The following BTK variants were observed in gnomAD, a reference collection of about 807,000 sequenced individuals.
BTK encodes tyrosine-protein kinase BTK.
A neutral mutation model predicts 57.4 loss-of-function variants in BTK; 5 were observed. The ratio of observed to expected loss-of-function variants is 0.09; its 90% CI spans 0.05 to 0.18. The LOEUF (loss-of-function observed/expected upper bound fraction) is 0.18, where lower values mean the gene tolerates loss of function less well. Ranked by LOEUF, BTK falls within the 10% of genes least tolerant of loss-of-function variation. The pLI is 1.00. For missense variants in BTK, 194 were observed against 501.2 expected (o/e 0.39, Z 5.85); for synonymous variants, 154 against 174.3 (o/e 0.88, Z 0.92).
intron 1 of BTK, among the ~76,000 whole-genome samples, chrX:101,382,406 A>T (rs5951304): frequency 0.031 from 3,375 of 109,808 alleles, 117 homozygotes; most frequent in African/African-American, 0.094. Context: ...GGCTCACTGC[A>T]ATCGCTACCT....
upstream of BTK, among the ~76,000 whole-genome samples, chrX:101,387,147 T>C (rs1927635237): frequency 2.7e-5 from 3 of 111,287 alleles, no homozygotes; most frequent in South Asian, 1.1e-3. Context: ...ATCCGAAGTT[T>C]TAAGTCAACA....
rs1926561925 is a variant in BTK, at chrX:101,358,607, T to C, written c.974+10A>G. The stretch of plus-strand genomic sequence containing the variant: ...CTTTGTCCTCAGGGCCTTGGAATAG[T>C]AGCACTCACCCTGTGGATTTAGCAA... On this transcript the variant is annotated intron_variant, in intron 11 of 18. Transcript: ENST00000308731. 8.3e-7 allele frequency: 1 copy of C among 1,203,805 alleles called. No homozygotes were observed. The highest frequency in any genetic ancestry group is 1.1e-6 in the Non-Finnish European group (1 of 889,702).
intron 5 of BTK, among the ~76,000 whole-genome samples, chrX:101,365,025 T>C (rs1447888538): frequency 4.5e-5 from 5 of 111,826 alleles, no homozygotes; most frequent in Non-Finnish European, 9.4e-5. Context: ...ATTACAGGCA[T>C]GAGCCACCAC....
rs972741195 is a variant in BTK at position 101,376,533 on chromosome X, A to G, written c.-30-1219T>C. Among the ~76,000 whole-genome samples the G allele has an allele frequency of 2.5e-4, 28 of 111,625 alleles. 1 individual carries two copies. Among genetic ancestry groups the G allele is most frequent in the Non-Finnish European group, 2.6e-4 (14 of 53,153 alleles). ...TCCCAGCTACTCGGGAGGCTGAGGCAGGAGAATCGCTTGAACCCAGGAGGC... is the reference window on the plus strand; with the variant it reads ...TCCCAGCTACTCGGGAGGCTGAGGCGGGAGAATCGCTTGAACCCAGGAGGC... On this transcript the variant is annotated intron_variant, in intron 1 of 18. Transcript: ENST00000308731.
chrX:101,354,062 A>C, intron 16 of BTK, 74 bp from the exon 17 acceptor site: 1 of 763,527 alleles, frequency 1.3e-6, no homozygotes, highest in Non-Finnish European at 2.0e-6. Flanking sequence ...TGGCACGGTC[A>C]CAAGAGTGTC....
At chrX:101,371,775 C>G (rs945607279) in intron 3 of BTK, 74 bp from the exon 4 acceptor site, 18 of 897,564 alleles carry the variant, frequency 2.0e-5, no homozygotes, top group Admixed American at 1.3e-4. Context: ...GTACTAGAAG[C>G]CTTTTGCTGT....
At chrX:101,354,786 A>G in intron 15 of BTK, 92 bp from the exon 16 acceptor site, 2 of 872,519 alleles carry the variant, frequency 2.3e-6, no homozygotes, top group Middle Eastern at 5.5e-4. Flanking sequence ...GAAGCCAGGG[A>G]AGCTTCATCT....
upstream of BTK, among the ~76,000 whole-genome samples, chrX:101,386,628 C>T (rs1022023546): frequency 1.4e-4 from 15 of 110,751 alleles, no homozygotes; most frequent in African/African-American, 4.6e-4. Flanking sequence ...AGAGGAGTCT[C>T]AGGGACACAC....
upstream of BTK, among the ~76,000 whole-genome samples, chrX:101,389,232 C>G (rs1927709230): frequency 1.8e-5 from 2 of 111,060 alleles, no homozygotes; most frequent in Non-Finnish European, 1.9e-5. Flanking sequence ...TGTTGTACAC[C>G]TTGAATATAA....
chrX:101,372,128 C>G (rs782077047), intron 3 of BTK, among the ~76,000 whole-genome samples: 2 of 111,743 alleles, frequency 1.8e-5, no homozygotes, highest in African/African-American at 6.5e-5. Context: ...CAAGCTTTTT[C>G]TAATATAAGG....
Position 101,355,848 on chromosome X carries a change from A to C in BTK, c.1566+204T>G, listed in dbSNP as rs138662660. ...GGAGTGAGTGACTGCTCTGATTCCC[A>C]CCACGGCAGACTTCATGGAGCTGAG... On this transcript the variant is annotated intron_variant, in intron 15 of 18. Transcript: ENST00000308731. 9.5e-4 allele frequency: 444 copies of C among 468,448 alleles called. 3 individuals are homozygous for C. The African/African-American group carries it at 9.5e-3, about 10-fold the overall frequency. The allele number at this position is 468,448 out of a possible 1,213,427, so 38.6% of individuals were successfully genotyped here.
upstream of BTK, among the ~76,000 whole-genome samples, chrX:101,388,152 C>G (rs782226817): frequency 8.9e-6 from 1 of 111,734 alleles, no homozygotes; most frequent in South Asian, 3.7e-4. Context: ...ATGCGTGAGC[C>G]ACCGTGCCCA....
upstream of BTK, among the ~76,000 whole-genome samples, chrX:101,388,803 G>C (rs1927694007): frequency 8.9e-6 from 1 of 111,880 alleles, no homozygotes; most frequent in Admixed American, 9.5e-5. Context: ...GAAAAGCCAA[G>C]GTGACATTGA....
In BTK at chrX:101,363,802, T is replaced by C. The variant is rs1401532412; in HGVS notation, c.392-1113A>G. ...TGAAATAACTGATAGCAGCAAACAC[T>C]AGAGCAAAGACCCAGGCTGGTCCAG... On this transcript the variant is annotated intron_variant, in intron 5 of 18. Coordinates refer to ENST00000308731, the MANE Select transcript of BTK (RefSeq NM_000061.3). Among the ~76,000 whole-genome samples the C allele has an allele frequency of 2.8e-5, 3 of 107,990 alleles. No individual in the cohort carries two copies. The Admixed American group carries it at 3.0e-4, about 11-fold the overall frequency. The allele number at this position is 107,990 out of a possible 115,157, so 93.8% of individuals were successfully genotyped here.
intron 1 of BTK, among the ~76,000 whole-genome samples, chrX:101,385,691 A>G (rs1718671450): frequency 8.9e-6 from 1 of 112,171 alleles, no homozygotes. Context: ...ATGTATCCCT[A>G]TTGAGTCTTC....
intron 16 of BTK, 122 bp downstream of exon 16, chrX:101,354,508 C>G: frequency 1.4e-6 from 1 of 719,238 alleles, no homozygotes; most frequent in Non-Finnish European, 2.1e-6. Flanking sequence ...ATAGAAAGAT[C>G]GGCAGAAAAC....
At chrX:101,350,128 T>C (rs1180770163) in intron 18 of BTK, among the ~76,000 whole-genome samples, 172 bp from the exon 19 acceptor site, 1 of 108,670 alleles carries the variant, frequency 9.2e-6, no homozygotes, top group Non-Finnish European at 1.9e-5. Flanking sequence ...CTCCATAAAG[T>C]CTTTGTGCAC....
chrX:101,385,520 T>C (rs1927584119), intron 1 of BTK, among the ~76,000 whole-genome samples: 2 of 112,331 alleles, frequency 1.8e-5, no homozygotes, highest in Admixed American at 9.4e-5. Flanking sequence ...CCTGGCGACA[T>C]TTGGCCTGGT....
At chrX:101,390,568 C>T (rs111951956), upstream of BTK, 12 of 513,558 alleles carry the variant, frequency 2.3e-5, no homozygotes, top group African/African-American at 1.1e-4. Context: ...TGAACTGGAA[C>T]AATTGGCTCC....
Sources: gnomAD v4.1 joint callset for allele counts (sites outside exome capture counted in the v4.1 genomes callset) on GRCh38, gnomAD v4.1.1 for gene constraint, MANE v1.5 for transcripts, NCBI Gene and HGNC (gene_info 2026-07-23, HGNC 2026-07-21) for gene names.